LRFN2: variants seen among roughly 807,000 people sequenced by gnomAD.
LRFN2 encodes leucine rich repeat and fibronectin type III domain containing 2.
Under a neutral mutation model 37.3 loss-of-function variants are expected in LRFN2, and 18 were observed. The observed-to-expected ratio is 0.48, with a 90% CI of 0.33 to 0.72. LRFN2 has a LOEUF of 0.72. Ranked by LOEUF, LRFN2 falls within the 30% of genes least tolerant of loss-of-function variation. LRFN2 has a pLI of 0.02. For missense variants in LRFN2, 1,006 were observed against 1,060.7 expected (o/e 0.95, Z 0.72); for synonymous variants, 556 against 466.6 (o/e 1.19, Z -2.47).
chr6:40,523,501 G>T (rs382023), intron 1 of LRFN2, among the ~76,000 whole-genome samples: 1 of 144,404 alleles, frequency 6.9e-6, no homozygotes, highest in East Asian at 2.1e-4. Context: ...AGCATCTTTA[G>T]GTGATTTTTT....
chr6:40,532,583 G>A (rs999053157), intron 1 of LRFN2, among the ~76,000 whole-genome samples: 46 of 152,070 alleles, frequency 3.0e-4, no homozygotes, highest in African/African-American at 1.1e-3. Context: ...TCCCACCTCC[G>A]CTGCCTCTGC....
At chr6:40,438,887 G>T (rs758080017) in intron 1 of LRFN2, among the ~76,000 whole-genome samples, 3 of 152,148 alleles carry the variant, frequency 2.0e-5, no homozygotes, top group Non-Finnish European at 4.4e-5. Context: ...GTGGAACTAG[G>T]CCCTTGGTTT....
Position 40,432,674 on chromosome 6 carries a change from A to C in LRFN2, c.440T>G (p.Phe147Cys). 6.2e-7 allele frequency: 1 copy of C among 1,614,174 alleles called. No individual in the cohort carries two copies. The highest frequency in any genetic ancestry group is 1.1e-5 in the South Asian group (1 of 91,084). ...GTCCAGATCCTCCAATGTCAGCAGG[A>C]AGTCCTCAAAAGCCTCATCTGCGAT... Reference protein sequence around the residue: ...GGIADEAFEDFLLTLEDLDLS... With the variant: ...GGIADEAFEDCLLTLEDLDLS... Residue 147 changes from phenylalanine (F) to cysteine (C), a missense_variant, in exon 2 of 3, where the codon TTC (phenylalanine) becomes TGC (cysteine). Coordinates refer to ENST00000338305, the MANE Select transcript of LRFN2 (RefSeq NM_020737.3).
intron 1 of LRFN2, among the ~76,000 whole-genome samples, chr6:40,456,515 T>C (rs376240453): frequency 2.1e-4 from 32 of 152,324 alleles, no homozygotes; most frequent in South Asian, 1.7e-3. Flanking sequence ...AATCTTGTGC[T>C]CTTGTGTGTG....
In LRFN2 at chr6:40,391,783, T is replaced by G. The variant is rs1482154596; in HGVS notation, c.*160A>C. On this transcript the variant is annotated 3_prime_UTR_variant, in exon 3 of 3. Coordinates refer to ENST00000338305, the MANE Select transcript of LRFN2 (RefSeq NM_020737.3). The stretch of plus-strand genomic sequence containing the variant: ...CCGGCCGGGTGGTGGGGAGGTGATG[T>G]GGGTGTTGCGGGGTAGGGGGGGACA... 1.1e-5 allele frequency: 7 copies of G among 620,998 alleles called. No homozygotes were observed. In the South Asian group the frequency reaches 1.4e-4, roughly 13 times the overall value. 38.5% of individuals were successfully genotyped at this position (620,998 alleles called of 1,614,324 possible). A position where few individuals can be genotyped will look rare whatever the true frequency, so the allele number is the denominator to read the frequency against.
At chr6:40,476,293 A>G (rs577229786) in intron 1 of LRFN2, among the ~76,000 whole-genome samples, 35 of 152,204 alleles carry the variant, frequency 2.3e-4, no homozygotes, top group Admixed American at 7.8e-4. Flanking sequence ...GTTTCTCCAG[A>G]CTTATCTCCT....
chr6:40,495,500 G>T (rs973085931), intron 1 of LRFN2, among the ~76,000 whole-genome samples: 3 of 152,128 alleles, frequency 2.0e-5, no homozygotes, highest in Non-Finnish European at 2.9e-5. Context: ...AACAGGCATT[G>T]TTCAGGATCA....
rs181460777 is a variant in LRFN2, at chr6:40,502,819, C to T, written c.-18-69688G>A. 6.9e-4 allele frequency among the ~76,000 whole-genome samples: 105 copies of T among 152,314 alleles called. 1 individual carries two copies. The highest frequency in any genetic ancestry group is 2.1e-3 in the African/African-American group (89 of 41,568). ...CACCTGCCCCCATACAGCTTAGAGT[C>T]GAGCGTTGGGGCAGAAATGATCAGA... On this transcript the variant is annotated intron_variant, in intron 1 of 2. Coordinates refer to ENST00000338305, the MANE Select transcript of LRFN2 (RefSeq NM_020737.3).
chr6:40,507,080 G>T (rs536930218), intron 1 of LRFN2, among the ~76,000 whole-genome samples: 4 of 152,130 alleles, frequency 2.6e-5, no homozygotes, highest in African/African-American at 7.2e-5. Flanking sequence ...GATTGTTTCC[G>T]CTCCCCGCGT....
chr6:40,445,358 G>A (rs772941609), intron 1 of LRFN2, among the ~76,000 whole-genome samples: 1 of 152,178 alleles, frequency 6.6e-6, no homozygotes, highest in Non-Finnish European at 1.5e-5. Context: ...TCGCAGTCCA[G>A]GTATGTCCTA....
intron 1 of LRFN2, among the ~76,000 whole-genome samples, chr6:40,547,409 A>T (rs1395848223): frequency 1.3e-5 from 2 of 152,134 alleles, no homozygotes; most frequent in African/African-American, 4.8e-5. Flanking sequence ...CTGGCCACAA[A>T]CCTTAATTAA....
chr6:40,470,765 C>T (rs1022113072), intron 1 of LRFN2, among the ~76,000 whole-genome samples: 32 of 152,330 alleles, frequency 2.1e-4, no homozygotes, highest in Middle Eastern at 3.4e-3. Flanking sequence ...TCCTGCATTG[C>T]CTGCTGCTGT....
At chr6:40,398,439 C>A (rs1212548405) in intron 2 of LRFN2, among the ~76,000 whole-genome samples, 2 of 151,822 alleles carry the variant, frequency 1.3e-5, no homozygotes, top group African/African-American at 4.8e-5. Context: ...ATGGCTGAAC[C>A]AAACCGAAAG....
chr6:40,576,219 G>C (rs957748237), intron 1 of LRFN2, among the ~76,000 whole-genome samples: 8 of 152,120 alleles, frequency 5.3e-5, no homozygotes, highest in African/African-American at 1.9e-4. Flanking sequence ...TTAATATAAT[G>C]CATCCTCCAA....
chr6:40,537,067 A>G (rs1422202742), intron 1 of LRFN2, among the ~76,000 whole-genome samples: 1 of 152,222 alleles, frequency 6.6e-6, no homozygotes, highest in Non-Finnish European at 1.5e-5. Context: ...GAGCTAGTAC[A>G]CGGCAGAGCT....
At position 40,433,041 on chromosome 6, in the gene LRFN2, A is replaced by G; in HGVS notation, c.73T>C (p.Cys25Arg). ...GACTCAGACAGATTCTGGCAGACAC[A>G]GTACTTGGGGCAGGCGTCGACCACG... The part of the protein sequence containing the change: ...FAVVDACPKY[C>R]VCQNLSESLG... The change falls in exon 2 of 3, where the codon TGT becomes CGT. Residue 25 changes from cysteine to arginine, a missense_variant. Around this residue, in one of 4 missense-constraint regions of LRFN2, gnomAD observed 185 missense variants for 254.9 expected, o/e 0.73. Transcript: ENST00000338305. 6.3e-7 allele frequency: 1 copy of G among 1,583,650 alleles called. No homozygotes were observed. Among genetic ancestry groups the G allele is most frequent in the Non-Finnish European group, 8.6e-7 (1 of 1,166,222 alleles).
chr6:40,548,871 A>G (rs992897632), intron 1 of LRFN2, among the ~76,000 whole-genome samples: 3 of 152,242 alleles, frequency 2.0e-5, no homozygotes, highest in African/African-American at 4.8e-5. Flanking sequence ...TTCACAGAGC[A>G]CAGGGAAATG....
intron 2 of LRFN2, among the ~76,000 whole-genome samples, chr6:40,398,025 C>T (rs1762651275): frequency 6.6e-6 from 1 of 151,944 alleles, no homozygotes; most frequent in African/African-American, 2.4e-5. Context: ...AAAACACTGG[C>T]CTGCAACAGA....
intron 1 of LRFN2, among the ~76,000 whole-genome samples, chr6:40,466,289 C>T (rs751184469): frequency 1.3e-5 from 2 of 152,138 alleles, no homozygotes; most frequent in Non-Finnish European, 2.9e-5. Context: ...GCAGGAGAAC[C>T]TATAAATGCG....
Sources: gnomAD v4.1 joint callset for allele counts (sites outside exome capture counted in the v4.1 genomes callset) on GRCh38, gnomAD v4.1.1 for gene constraint, gnomAD v4.1.1 regional missense constraint, MANE v1.5 for transcripts, NCBI Gene and HGNC (gene_info 2026-07-23, HGNC 2026-07-21) for gene names.